The following RIMS2 variants were observed in gnomAD, a reference collection of about 807,000 sequenced individuals.
RIMS2 encodes regulating synaptic membrane exocytosis protein 2.
RIMS2 carries 59 observed loss-of-function variants against 174.4 expected under a neutral mutation model. The observed-to-expected ratio is 0.34, with a 90% CI of 0.27 to 0.42. RIMS2 has a LOEUF of 0.42. Ranked by LOEUF, RIMS2 falls within the 10% of genes least tolerant of loss-of-function variation. The pLI is 1.00. For synonymous variants in RIMS2, 606 were observed against 572.5 expected (o/e 1.06, Z -0.84); for missense variants, 1,620 against 1,666.3 (o/e 0.97, Z 0.48).
At chr8:104,105,094 G>A (rs1209006306) in intron 19 of RIMS2, among the ~76,000 whole-genome samples, 2 of 152,104 alleles carry the variant, frequency 1.3e-5, no homozygotes, top group Non-Finnish European at 2.9e-5. Flanking sequence ...CTTTAGGATT[G>A]TGGTAAAATT....
chr8:103,883,298 G>A (rs1282466406), intron 3 of RIMS2, among the ~76,000 whole-genome samples: 1 of 151,678 alleles, frequency 6.6e-6, no homozygotes, highest in East Asian at 1.9e-4. Context: ...AATTACAAAA[G>A]TATGACTAAG....
chr8:104,142,178 G>A (rs1042463673), intron 19 of RIMS2, among the ~76,000 whole-genome samples: 2 of 146,472 alleles, frequency 1.4e-5, no homozygotes, highest in Non-Finnish European at 3.0e-5. Flanking sequence ...CCAGGCTGGA[G>A]TACAATGGCG....
At chr8:103,598,908 T>A (rs2094578183) in intron 1 of RIMS2, among the ~76,000 whole-genome samples, 3 of 152,076 alleles carry the variant, frequency 2.0e-5, no homozygotes, top group South Asian at 2.1e-4. Context: ...GATCTTTATT[T>A]TTTTTTTTAC....
rs368156751 is a variant in RIMS2, at chr8:103,616,808, A to G, written c.177-80278A>G. Among the ~76,000 whole-genome samples, 29 of 152,244 alleles carry G rather than the reference A, an allele frequency of 1.9e-4. 1 individual carries two copies. In the East Asian group the frequency reaches 4.8e-3, roughly 25 times the overall value. On this transcript the variant is annotated intron_variant, in intron 1 of 23. Coordinates refer to ENST00000504942, the Ensembl canonical transcript of RIMS2. ...AAAAATAAAATACCTAGGAATACAG[A>G]TAACTAGGGAGGTAAAAGATCTCTA... is the stretch of plus-strand genomic sequence containing the variant.
At chr8:103,626,541 T>C (rs2095791219) in intron 1 of RIMS2, among the ~76,000 whole-genome samples, 1 of 152,246 alleles carries the variant, frequency 6.6e-6, no homozygotes, top group Non-Finnish European at 1.5e-5. Context: ...TCCAAACAGC[T>C]GTTGCACATA....
rs553495143 is a variant in RIMS2, at chr8:103,869,440, G to A, written c.699-15858G>A. ...TTGAACTCCTGACCTCAAGTGATCC[G>A]CCCATCTTGGCCTCCCAAAGTGCTG... On this transcript the variant is annotated intron_variant, in intron 3 of 23. Coordinates refer to ENST00000504942, the Ensembl canonical transcript of RIMS2. Among the ~76,000 whole-genome samples, 9 of 150,954 alleles carry A rather than the reference G, an allele frequency of 6.0e-5. No homozygotes were observed. In the East Asian group the frequency reaches 7.8e-4, roughly 13 times the overall value.
chr8:103,539,286 C>T (rs1271533900), intron 1 of RIMS2, among the ~76,000 whole-genome samples: 1 of 152,154 alleles, frequency 6.6e-6, no homozygotes, highest in Non-Finnish European at 1.5e-5. Flanking sequence ...AATGTCCAAA[C>T]ACTTCTGACT....
intron 11 of RIMS2, among the ~76,000 whole-genome samples, chr8:103,928,857 A>G (rs929026950): frequency 3.3e-5 from 5 of 151,462 alleles, no homozygotes; most frequent in Non-Finnish European, 5.9e-5. Flanking sequence ...AATTGTGAAG[A>G]TATGTTTGTT....
At chr8:103,600,526 C>G (rs569803906) in intron 1 of RIMS2, among the ~76,000 whole-genome samples, 1 of 152,158 alleles carries the variant, frequency 6.6e-6, no homozygotes, top group Admixed American at 6.5e-5. Context: ...ATGCCTTGGC[C>G]TCCCAAAGTG....
At chr8:103,514,421 G>A (rs755745414) in intron 1 of RIMS2, among the ~76,000 whole-genome samples, 3 of 152,106 alleles carry the variant, frequency 2.0e-5, no homozygotes, top group Non-Finnish European at 4.4e-5. Flanking sequence ...GTCATATTGA[G>A]ATAAACTGGG....
At chr8:103,987,725 A>C (rs950987908) in intron 16 of RIMS2, among the ~76,000 whole-genome samples, 4 of 152,212 alleles carry the variant, frequency 2.6e-5, no homozygotes, top group Admixed American at 2.6e-4. Flanking sequence ...CTCCACAGGA[A>C]ACCCAACATA....
intron 1 of RIMS2, among the ~76,000 whole-genome samples, chr8:103,529,920 A>G (rs1836192184): frequency 6.6e-6 from 1 of 152,218 alleles, no homozygotes; most frequent in Non-Finnish European, 1.5e-5. Context: ...TGGATGCAGA[A>G]CTCATTGCTA....
chr8:103,560,632 T>G (rs1243474244), intron 1 of RIMS2, among the ~76,000 whole-genome samples: 4 of 152,216 alleles, frequency 2.6e-5, no homozygotes, highest in African/African-American at 9.6e-5. Flanking sequence ...GTTTTACATA[T>G]AAAGTAATTG....
chr8:103,656,786 G>T (rs778021914), intron 1 of RIMS2, among the ~76,000 whole-genome samples: 2 of 152,166 alleles, frequency 1.3e-5, no homozygotes, highest in South Asian at 2.1e-4. Context: ...CACAGATTCT[G>T]TTAGGAAAAC....
chr8:104,079,616 T>C (rs1457182202), intron 19 of RIMS2, among the ~76,000 whole-genome samples: 5 of 129,720 alleles, frequency 3.9e-5, no homozygotes, highest in African/African-American at 1.4e-4. Context: ...TATATATATA[T>C]ATATATATAT....
rs995943410 is a variant in RIMS2 at position 104,226,718 on chromosome 8, A to G, written c.3335-18198A>G. On this transcript the variant is annotated intron_variant, in intron 19 of 23. Transcript: ENST00000504942. ...TGCCCTGAGAAAGTGAGGGTTAAAC[A>G]TTGATTCAGGTGTCAGTGATAACTC... is the stretch of plus-strand genomic sequence containing the variant. Among the ~76,000 whole-genome samples the G allele has an allele frequency of 2.6e-5, 4 of 152,198 alleles. No individual in the cohort carries two copies. In the East Asian group the frequency reaches 5.8e-4, roughly 22 times the overall value.
intron 3 of RIMS2, among the ~76,000 whole-genome samples, chr8:103,789,244 G>A (rs1045096541): frequency 2.6e-5 from 4 of 152,024 alleles, no homozygotes; most frequent in African/African-American, 4.8e-5. Flanking sequence ...TGTCGCTCTC[G>A]CTGGGAGCTG....
intron 19 of RIMS2, among the ~76,000 whole-genome samples, chr8:104,129,223 TAA>T (rs879607610): frequency 3.5e-5 from 5 of 143,206 alleles, no homozygotes; most frequent in Non-Finnish European, 3.1e-5. Flanking sequence ...TTGTCTCTAT[TAA>T]AAAAAAAAAA....
chr8:103,855,325 T>A (rs2099021986), intron 3 of RIMS2, among the ~76,000 whole-genome samples: 1 of 152,048 alleles, frequency 6.6e-6, no homozygotes, highest in Non-Finnish European at 1.5e-5. Flanking sequence ...TGATATTTTG[T>A]ATGGATTTTT....
Sources: gnomAD v4.1 joint callset for allele counts (sites outside exome capture counted in the v4.1 genomes callset) on GRCh38, gnomAD v4.1.1 for gene constraint, MANE v1.5 for transcripts, NCBI Gene and HGNC (gene_info 2026-07-23, HGNC 2026-07-21) for gene names.